Variants in STK33 observed in about 807,000 individuals in gnomAD.
STK33 encodes serine/threonine kinase 33, also known as serine/threonine-protein kinase 33.
A neutral mutation model predicts 58.0 loss-of-function variants in STK33; 52 were observed. The ratio of observed to expected loss-of-function variants is 0.90; its 90% CI spans 0.72 to 1.13. The LOEUF (loss-of-function observed/expected upper bound fraction) is 1.13, where lower values mean the gene tolerates loss of function less well. Ranked by LOEUF, STK33 falls within the 50% of genes most tolerant of loss-of-function variation. The pLI is 0.00. For synonymous variants in STK33, 215 were observed against 200.1 expected (o/e 1.07, Z -0.63); for missense variants, 630 against 604.2 (o/e 1.04, Z -0.45).
intron 1 of STK33, among the ~76,000 whole-genome samples, chr11:8,542,247 T>C (rs893776249): frequency 6.6e-6 from 1 of 152,228 alleles, no homozygotes; most frequent in African/African-American, 2.4e-5. Context: ...ACGATAAATG[T>C]GGCTAGTTCC....
At chr11:8,429,382 T>G (rs1943146362) in intron 14 of STK33, among the ~76,000 whole-genome samples, 2 of 152,234 alleles carry the variant, frequency 1.3e-5, no homozygotes, top group South Asian at 4.1e-4. Context: ...CACTTCATTC[T>G]TGTTCCAATC....
At chr11:8,351,348 T>C in the STK33 span, among the ~76,000 whole-genome samples, 1 of 152,212 alleles carries the variant, frequency 6.6e-6, no homozygotes, top group African/African-American at 2.4e-5. Context: ...AGCTGGGTCC[T>C]GACCCCAGTC....
chr11:8,528,205 C>A (rs1255717679), intron 1 of STK33, among the ~76,000 whole-genome samples: 1 of 151,056 alleles, frequency 6.6e-6, no homozygotes, highest in South Asian at 2.1e-4. Context: ...CCCATGCCTG[C>A]AAGTAATTGT....
At chr11:8,460,912 AAGGC>A (rs1274982155) in intron 8 of STK33, among the ~76,000 whole-genome samples, 3 of 152,230 alleles carry the variant, frequency 2.0e-5, no homozygotes, top group Non-Finnish European at 4.4e-5. Context: ...AATCAAGCAT[AAGGC>A]ACAACCCAAA....
chr11:8,569,897 C>T (rs902760753), intron 1 of STK33, among the ~76,000 whole-genome samples: 8 of 151,962 alleles, frequency 5.3e-5, no homozygotes, highest in Non-Finnish European at 7.4e-5. Flanking sequence ...TACAGTGAGC[C>T]GTAATTGTGC....
intron 14 of STK33, 24 bp from the exon 15 acceptor site, chr11:8,413,716 G>A (rs1410977937): frequency 1.9e-6 from 3 of 1,605,390 alleles, no homozygotes; most frequent in South Asian, 1.1e-5. Context: ...TCAATTTTTG[G>A]TGTTATAAAC....
Position 8,475,060 on chromosome 11 carries a change from G to A in STK33, c.-155C>T. The A allele has an allele frequency of 1.1e-5, 6 of 550,344 alleles. No individual in the cohort carries two copies. Among genetic ancestry groups the A allele is most frequent in the South Asian group, 3.3e-5 (1 of 29,994 alleles). The allele number at this position is 550,344 out of a possible 1,614,324, so 34.1% of individuals were successfully genotyped here. A position where few individuals can be genotyped will look rare whatever the true frequency, so the allele number is the denominator to read the frequency against. On this transcript the variant is annotated 5_prime_UTR_variant, in exon 5 of 16. In the 5' UTR this introduces an upstream ATG that the reference lacks. Transcript: ENST00000687296. Reference sequence around the variant, plus strand: ...GGATGCACTAGACACATATTCACACGTGAGAGCTGCAGAAAGAAAAGAAAT... The same window carrying A: ...GGATGCACTAGACACATATTCACACATGAGAGCTGCAGAAAGAAAAGAAAT...
chr11:8,403,356 A>T (rs562201765), intron 15 of STK33, among the ~76,000 whole-genome samples: 2 of 152,230 alleles, frequency 1.3e-5, no homozygotes, highest in African/African-American at 4.8e-5. Context: ...GGGACCAGAG[A>T]ATGTTTACAG....
intron 1 of STK33, among the ~76,000 whole-genome samples, chr11:8,489,148 T>C (rs1950393392): frequency 6.6e-6 from 1 of 151,462 alleles, no homozygotes; most frequent in Non-Finnish European, 1.5e-5. Context: ...TCTGAGCTAC[T>C]TGGGAGACTA....
chr11:8,469,162 A>G (rs139664504), intron 6 of STK33, among the ~76,000 whole-genome samples: 86 of 152,322 alleles, frequency 5.6e-4, no homozygotes, highest in South Asian at 1.9e-3. Flanking sequence ...ATTTCTCTGT[A>G]GCATGTGATG....
At chr11:8,365,540 G>A in the STK33 span, among the ~76,000 whole-genome samples, 13 of 152,236 alleles carry the variant, frequency 8.5e-5, no homozygotes, top group African/African-American at 4.8e-5. Context: ...CCAGGGGGCT[G>A]CTGGGAATGA....
chr11:8,519,232 G>T (rs2991660), intron 1 of STK33, among the ~76,000 whole-genome samples: 79,840 of 151,788 alleles, frequency 0.53, 21,475 homozygotes, highest in African/African-American at 0.65. Flanking sequence ...AACCTGCTCC[G>T]GAATGACTAC....
the STK33 span, among the ~76,000 whole-genome samples, chr11:8,352,625 C>T: frequency 2.0e-5 from 3 of 152,178 alleles, no homozygotes; most frequent in Non-Finnish European, 4.4e-5. Flanking sequence ...CACATCAAGT[C>T]TCTGATTGTT....
At chr11:8,532,796 AT>A (rs1280712909) in intron 1 of STK33, among the ~76,000 whole-genome samples, 16 of 152,230 alleles carry the variant, frequency 1.1e-4, no homozygotes, top group Admixed American at 6.5e-5. Context: ...TATAAAATAT[AT>A]AAGGTTTAAG....
chr11:8,335,840 C>G, the STK33 span, among the ~76,000 whole-genome samples: 1 of 152,172 alleles, frequency 6.6e-6, no homozygotes, highest in African/African-American at 2.4e-5. Flanking sequence ...AGAAATCTAG[C>G]GTGTATTTTA....
At chr11:8,554,794 A>C (rs1039216621) in intron 1 of STK33, among the ~76,000 whole-genome samples, 1 of 152,222 alleles carries the variant, frequency 6.6e-6, no homozygotes, top group Admixed American at 6.5e-5. Flanking sequence ...TGTCAGAAGG[A>C]GATCTGCACT....
At chr11:8,430,418 G>C (rs896145058) in intron 14 of STK33, among the ~76,000 whole-genome samples, 1 of 151,544 alleles carries the variant, frequency 6.6e-6, no homozygotes, top group Non-Finnish European at 1.5e-5. Flanking sequence ...CAATCTTTTC[G>C]CTTCCCTGGG....
chr11:8,495,814 T>C (rs1361986020), intron 1 of STK33, among the ~76,000 whole-genome samples: 1 of 152,072 alleles, frequency 6.6e-6, no homozygotes, highest in Admixed American at 6.5e-5. Context: ...TGGATGAAGC[T>C]GAAAACCATC....
intron 1 of STK33, among the ~76,000 whole-genome samples, chr11:8,588,342 T>G (rs1476230895): frequency 6.6e-6 from 1 of 152,158 alleles, no homozygotes; most frequent in Non-Finnish European, 1.5e-5. Flanking sequence ...ATGTCCTCTG[T>G]GTAGGATGGT....
Sources: allele counts gnomAD v4.1 joint callset (sites outside exome capture counted in the v4.1 genomes callset), GRCh38; gene constraint gnomAD v4.1.1; transcripts MANE v1.5; gene names NCBI Gene and HGNC (gene_info 2026-07-23, HGNC 2026-07-21).